PARD3B: variants seen among roughly 807,000 people sequenced by gnomAD.
PARD3B encodes the protein partitioning defective 3 homolog B.
In PARD3B, 103 loss-of-function variants were observed where a neutral mutation model predicts 130.2. The ratio of observed to expected loss-of-function variants is 0.79; its 90% CI spans 0.67 to 0.93. PARD3B has a LOEUF of 0.93. Among genes scored for constraint, PARD3B ranks in the 40% least tolerant of loss-of-function variants. The probability of loss-of-function intolerance (pLI) is 0.00; values close to 1 mark genes in which losing one functional copy is unlikely to be tolerated. For synonymous variants in PARD3B, 583 were observed against 553.2 expected, an observed-to-expected ratio of 1.05 and a Z score of -0.76; for missense variants, 1,609 against 1,499.2, an observed-to-expected ratio of 1.07 and a Z score of -1.21.
At chr2:204,870,526 A>T (rs969037371) in intron 2 of PARD3B, among the ~76,000 whole-genome samples, 9 of 152,140 alleles carry the variant, frequency 5.9e-5, no homozygotes, top group African/African-American at 2.2e-4. Flanking sequence ...AAGATGGAGG[A>T]GAATGAAATG....
At chr2:204,686,995 C>T (rs1196952527) in intron 2 of PARD3B, among the ~76,000 whole-genome samples, 1 of 152,046 alleles carries the variant, frequency 6.6e-6, no homozygotes, top group African/African-American at 2.4e-5. Context: ...TTTCCAAAAC[C>T]GAACTCTGTC....
At chr2:205,486,478 G>C (rs960129692) in intron 20 of PARD3B, among the ~76,000 whole-genome samples, 3 of 152,166 alleles carry the variant, frequency 2.0e-5, no homozygotes, top group Non-Finnish European at 2.9e-5. Flanking sequence ...AAATACCTGA[G>C]GCTGGGTAAT....
chr2:204,681,043 T>G (rs2125232852), intron 1 of PARD3B, among the ~76,000 whole-genome samples: 1 of 152,264 alleles, frequency 6.6e-6, no homozygotes, highest in South Asian at 2.1e-4. Context: ...CCAATTCATG[T>G]TTTTAAAATA....
intron 4 of PARD3B, among the ~76,000 whole-genome samples, chr2:205,074,128 G>A (rs1057407046): frequency 6.6e-6 from 1 of 151,984 alleles, no homozygotes; most frequent in Non-Finnish European, 1.5e-5. Context: ...CATTCCTAGA[G>A]CTTCTCATTT....
In PARD3B at chr2:205,460,027, A is replaced by G. The variant is rs2048397786; in HGVS notation, c.3044+19355A>G. Among the ~76,000 whole-genome samples the G allele has an allele frequency of 6.6e-6, 1 of 152,154 alleles. No individual in the cohort carries two copies. Among genetic ancestry groups the G allele is most frequent in the Non-Finnish European group, 1.5e-5 (1 of 68,038 alleles). On this transcript the variant is annotated intron_variant, in intron 20 of 22. Coordinates refer to ENST00000406610, the MANE Select transcript of PARD3B (RefSeq NM_001302769.2). The surrounding 1 kb of genome is among the most constrained non-coding windows in gnomAD (Gnocchi z 4.9). ...GAGAAATGCCGAGAAAGACAGGCAG[A>G]ACTAGATCTAAGTGTTTCAGAAACT...
intron 2 of PARD3B, among the ~76,000 whole-genome samples, chr2:204,742,323 C>A (rs970935045): frequency 1.3e-5 from 2 of 152,104 alleles, no homozygotes; most frequent in Admixed American, 1.3e-4. Context: ...ACTGTCTCTG[C>A]CATTGTCCTC....
chr2:205,296,407 A>G (rs1285746917), intron 16 of PARD3B, among the ~76,000 whole-genome samples: 3 of 152,182 alleles, frequency 2.0e-5, no homozygotes. Context: ...TGAGTCAGAG[A>G]AACTGAGGTC....
chr2:204,889,841 T>TAG (rs1257105668), intron 2 of PARD3B, among the ~76,000 whole-genome samples: 6 of 151,130 alleles, frequency 4.0e-5, no homozygotes, highest in South Asian at 2.1e-4. Flanking sequence ...CTGAAGATGT[T>TAG]AGGACTCTTC....
chr2:205,373,313 T>C (rs1463315159), intron 18 of PARD3B, among the ~76,000 whole-genome samples: 1 of 152,218 alleles, frequency 6.6e-6, no homozygotes, highest in Non-Finnish European at 1.5e-5. Flanking sequence ...ATCCTAGGTG[T>C]AGTCACTCCA....
At chr2:205,423,543 C>T (rs556642868) in intron 19 of PARD3B, among the ~76,000 whole-genome samples, 26 of 152,302 alleles carry the variant, frequency 1.7e-4, no homozygotes, top group African/African-American at 5.5e-4. Context: ...TATGGTTTCT[C>T]CAGAACAAAG....
chr2:205,404,674 T>C (rs992167578), intron 19 of PARD3B, among the ~76,000 whole-genome samples: 1 of 152,162 alleles, frequency 6.6e-6, no homozygotes, highest in African/African-American at 2.4e-5. Context: ...TATCCCTTTT[T>C]TCTTTCCTTT....
intron 2 of PARD3B, among the ~76,000 whole-genome samples, chr2:204,752,932 C>A (rs971446376): frequency 2.6e-5 from 4 of 152,138 alleles, no homozygotes; most frequent in Non-Finnish European, 5.9e-5. Context: ...ATGACTATTA[C>A]AATTTGTGAC....
intron 2 of PARD3B, among the ~76,000 whole-genome samples, chr2:204,783,836 T>G (rs938103910): frequency 6.6e-6 from 1 of 152,168 alleles, no homozygotes; most frequent in Non-Finnish European, 1.5e-5. Context: ...GGAGACATAT[T>G]TAGAGCTTTT....
chr2:204,958,518 T>A (rs192363183), intron 2 of PARD3B, among the ~76,000 whole-genome samples: 1 of 152,270 alleles, frequency 6.6e-6, no homozygotes, highest in East Asian at 1.9e-4. Context: ...TTGGTTGTGT[T>A]TGATCTTGGT....
intron 10 of PARD3B, among the ~76,000 whole-genome samples, chr2:205,133,997 A>T (rs1174445513): frequency 6.6e-6 from 1 of 151,696 alleles, no homozygotes; most frequent in Admixed American, 6.6e-5. Flanking sequence ...TCCTCTTATC[A>T]CCTCTATTGG....
chr2:205,267,326 TA>T (rs780359877), intron 16 of PARD3B, among the ~76,000 whole-genome samples: 2 of 142,692 alleles, frequency 1.4e-5, no homozygotes, highest in Non-Finnish European at 3.2e-5. Flanking sequence ...TCCACAAAAT[TA>T]AAAGGCATAG....
At chr2:205,444,848 A>T (rs187040005) in intron 20 of PARD3B, among the ~76,000 whole-genome samples, 4 of 152,382 alleles carry the variant, frequency 2.6e-5, no homozygotes, top group Admixed American at 2.6e-4. Context: ...CAAATGCTTC[A>T]GAGAGCTCAG....
chr2:205,281,383 C>T lies in PARD3B; in HGVS notation c.2186-19147C>T, dbSNP rs1485740252. 1.3e-5 allele frequency among the ~76,000 whole-genome samples: 2 copies of T among 152,260 alleles called. No homozygotes were observed. Among genetic ancestry groups the T allele is most frequent in the South Asian group, 2.1e-4 (1 of 4,822 alleles). ...CTCGAGTGACCCATCTTGTAGGTCC[C>T]ACACTGCCTAAGTCATTTTCTGGTC... On this transcript the variant is annotated intron_variant, in intron 16 of 22. Transcript: ENST00000406610. The surrounding 1 kb of genome is among the most constrained non-coding windows in gnomAD (Gnocchi z 4.2).
rs750103179 is a variant in PARD3B, at chr2:205,104,449, CAG to C, written c.532_533del (p.Glu178SerfsTer16). ...AGGATTCCACGCAGAACTTGGAAGA[CAG>C]AGAAGTTTTGAATGGTGTACAGACA... ...VPDSTQNLED[R>X]EVLNGVQTEL... On this transcript the variant is annotated frameshift_variant, in exon 5 of 23. Coordinates refer to ENST00000406610, the MANE Select transcript of PARD3B (RefSeq NM_001302769.2). LOFTEE classifies it high-confidence loss of function. The C allele has an allele frequency of 2.5e-6, 4 of 1,601,874 alleles. No individual in the cohort carries two copies. The highest frequency in any genetic ancestry group is 1.3e-5 in the African/African-American group (1 of 74,638).
Sources: gnomAD v4.1 joint callset for allele counts (sites outside exome capture counted in the v4.1 genomes callset) on GRCh38, gnomAD v4.1.1 for gene constraint, Gnocchi (gnomAD v3.1) non-coding constraint, MANE v1.5 for transcripts, NCBI Gene and HGNC (gene_info 2026-07-23, HGNC 2026-07-21) for gene names.